The following TMEM135 variants were observed in gnomAD, a reference collection of about 807,000 sequenced individuals.
The protein encoded by TMEM135 is peroxisomal membrane protein 52.
In TMEM135, 30 loss-of-function variants were observed where a neutral mutation model predicts 60.3. That is an observed-to-expected ratio of 0.50 (90% CI 0.37 to 0.68). The LOEUF (loss-of-function observed/expected upper bound fraction) is 0.68, where lower values mean the gene tolerates loss of function less well. TMEM135 is among the 30% of genes least tolerant of loss of function. The pLI is 0.00. For synonymous variants in TMEM135, 190 were observed against 186.7 expected (o/e 1.02, Z -0.14); for missense variants, 468 against 548.8 (o/e 0.85, Z 1.47).
intron 5 of TMEM135, among the ~76,000 whole-genome samples, chr11:87,204,545 ACAGT>A (rs1206742371): frequency 2.0e-5 from 3 of 152,206 alleles, no homozygotes; most frequent in African/African-American, 2.4e-5. Context: ...TGTAGCATAA[ACAGT>A]CAATTAATGC....
chr11:87,212,500 T>G (rs1335600330), intron 5 of TMEM135, among the ~76,000 whole-genome samples: 1 of 152,138 alleles, frequency 6.6e-6, no homozygotes, highest in East Asian at 1.9e-4. Context: ...TAGCAGTGCC[T>G]GAGAAGAGAG....
At position 87,259,978 on chromosome 11, in the gene TMEM135, G is replaced by A. The variant is rs1046021094; in HGVS notation, c.509+23294G>A. 5.3e-5 allele frequency among the ~76,000 whole-genome samples: 8 copies of A among 152,266 alleles called. No individual in the cohort carries two copies. The South Asian group carries it at 1.0e-3, about 20-fold the overall frequency. On this transcript the variant is annotated intron_variant, in intron 6 of 14. Coordinates refer to ENST00000305494, the MANE Select transcript of TMEM135 (RefSeq NM_022918.4). ...TTCCTGTCATCCTCAAATGCAAAAT[G>A]TAAAGAGGAGGAGAACACAGCTTTG...
chr11:87,039,782 C>T (rs1267472356), intron 1 of TMEM135, among the ~76,000 whole-genome samples: 1 of 152,228 alleles, frequency 6.6e-6, no homozygotes, highest in Non-Finnish European at 1.5e-5. Context: ...CTATCTACTT[C>T]TCCCTCTGAA....
At chr11:87,195,329 CCTTCCT>C (rs1939913275) in intron 5 of TMEM135, among the ~76,000 whole-genome samples, 1 of 60,050 alleles carries the variant, frequency 1.7e-5, no homozygotes, top group Non-Finnish European at 3.5e-5. Context: ...TTCCTTCCTT[CCTTCCT>C]TCCTTCCTTC....
At chr11:87,244,992 C>G (rs2135383369) in intron 6 of TMEM135, among the ~76,000 whole-genome samples, 1 of 151,534 alleles carries the variant, frequency 6.6e-6, no homozygotes. Context: ...GCATTTAGTG[C>G]TATAAATTTC....
chr11:87,049,677 T>G (rs1210137433), intron 1 of TMEM135, among the ~76,000 whole-genome samples: 13 of 97,316 alleles, frequency 1.3e-4, no homozygotes, highest in African/African-American at 4.9e-4. Context: ...AAGTCCTGAG[T>G]GACCTACAAA....
chr11:87,198,668 C>T (rs1342373518), intron 5 of TMEM135, among the ~76,000 whole-genome samples: 1 of 151,310 alleles, frequency 6.6e-6, no homozygotes, highest in African/African-American at 2.4e-5. Context: ...TCCTCCTTCC[C>T]TCTCTTACTT....
intron 4 of TMEM135, among the ~76,000 whole-genome samples, chr11:87,143,882 C>T (rs12282674): frequency 1.3e-5 from 2 of 152,152 alleles, no homozygotes; most frequent in South Asian, 2.1e-4. Flanking sequence ...TTGGTGCGCA[C>T]CCCTTGGCAA....
chr11:87,072,847 G>A (rs778068582), intron 3 of TMEM135, among the ~76,000 whole-genome samples: 6 of 152,138 alleles, frequency 3.9e-5, no homozygotes, highest in Non-Finnish European at 8.8e-5. Context: ...GAAAATACTT[G>A]CCATCTCATG....
intron 4 of TMEM135, among the ~76,000 whole-genome samples, chr11:87,129,114 CG>C (rs1937824933): frequency 6.7e-6 from 1 of 148,210 alleles, no homozygotes; most frequent in South Asian, 2.1e-4. Flanking sequence ...CTACTTTGCT[CG>C]TAAAAAAAAC....
At chr11:87,148,002 C>A (rs570283562) in intron 4 of TMEM135, among the ~76,000 whole-genome samples, 1 of 152,264 alleles carries the variant, frequency 6.6e-6, no homozygotes, top group Non-Finnish European at 1.5e-5. Flanking sequence ...GAGATCTGCC[C>A]GCTTCAGTCT....
intron 5 of TMEM135, among the ~76,000 whole-genome samples, chr11:87,204,279 A>G (rs1420492491): frequency 6.7e-6 from 1 of 150,324 alleles, no homozygotes; most frequent in Non-Finnish European, 1.5e-5. Context: ...ATTTTTTTTT[A>G]CCAAACTCAA....
intron 5 of TMEM135, among the ~76,000 whole-genome samples, chr11:87,214,412 T>C (rs1940452513): frequency 1.3e-5 from 2 of 152,188 alleles, no homozygotes; most frequent in Non-Finnish European, 2.9e-5. Flanking sequence ...GAGAAGTGAA[T>C]GGCAGGATTA....
intron 4 of TMEM135, among the ~76,000 whole-genome samples, chr11:87,091,804 A>G (rs1389627544): frequency 1.3e-5 from 2 of 152,126 alleles, no homozygotes; most frequent in African/African-American, 4.8e-5. Context: ...GAATATAAAA[A>G]CAACATTGGT....
intron 5 of TMEM135, among the ~76,000 whole-genome samples, chr11:87,183,688 G>T (rs1939578902): frequency 6.6e-6 from 1 of 151,824 alleles, no homozygotes; most frequent in African/African-American, 2.4e-5. Flanking sequence ...AGGTGCGGTG[G>T]CTCACGCCTG....
intron 5 of TMEM135, among the ~76,000 whole-genome samples, chr11:87,189,130 TTTTCCTTTCCCTTTCCC>T (rs1256905467): frequency 8.8e-5 from 12 of 136,490 alleles, no homozygotes; most frequent in Non-Finnish European, 1.5e-4. Context: ...TCCCTTTCCC[TTTTCCTTTCCCTTTCCC>T]TTTCCTTTCC....
At chr11:87,262,217 A>G (rs1035134880) in intron 6 of TMEM135, among the ~76,000 whole-genome samples, 1 of 152,168 alleles carries the variant, frequency 6.6e-6, no homozygotes. Flanking sequence ...GTATTTCTAA[A>G]TTTATGTTAC....
chr11:87,075,889 TC>T (rs1254236712), intron 3 of TMEM135, among the ~76,000 whole-genome samples: 13 of 31,372 alleles, frequency 4.1e-4, no homozygotes, highest in Non-Finnish European at 5.7e-4. Flanking sequence ...ATAAACAGGG[TC>T]TCTCTCTCTC....
chr11:87,199,517 TG>T (rs1456185633), intron 5 of TMEM135, among the ~76,000 whole-genome samples: 1 of 152,196 alleles, frequency 6.6e-6, no homozygotes, highest in Non-Finnish European at 1.5e-5. Flanking sequence ...GAGCCTACAG[TG>T]GTAGTATTTA....
Sources: allele counts gnomAD v4.1 joint callset (sites outside exome capture counted in the v4.1 genomes callset), GRCh38; gene constraint gnomAD v4.1.1; transcripts MANE v1.5; gene names NCBI Gene and HGNC (gene_info 2026-07-23, HGNC 2026-07-21).